The following LMBR1 variants were observed in gnomAD, a reference collection of about 807,000 sequenced individuals.
LMBR1 encodes limb development membrane protein 1, also known as limb region 1 protein homolog.
In LMBR1, 52 loss-of-function variants were observed where a neutral mutation model predicts 73.9. That is an observed-to-expected ratio of 0.70 (90% CI 0.56 to 0.89). LMBR1 has a LOEUF of 0.89. Among genes scored for constraint, LMBR1 ranks in the 40% least tolerant of loss-of-function variants. The pLI is 0.00. For missense variants in LMBR1, 539 were observed against 579.8 expected (o/e 0.93, Z 0.72); for synonymous variants, 215 against 209.4 (o/e 1.03, Z -0.23).
At chr7:156,710,057 A>AC (rs964572349) in intron 15 of LMBR1, among the ~76,000 whole-genome samples, 18 of 151,840 alleles carry the variant, frequency 1.2e-4, no homozygotes, top group Non-Finnish European at 2.6e-4. Context: ...GGCGCCCGCC[A>AC]CCATGCCCGG....
At position 156,724,118 on chromosome 7, in the gene LMBR1, T is replaced by G; in HGVS notation, c.1219A>C (p.Thr407Pro). The part of the protein sequence containing the change: ...LSSALPVMSR[T>P]LGITRFDLLG... ...ATTTCTCACTGAAACTTACCCAGTG[T>G]TCTCGACATCACAGGCAGAGCAGAG... The change falls in exon 15 of 17, where the codon ACA (threonine) becomes CCA (proline). Residue 407 changes from threonine (T) to proline (P), a missense_variant. By Grantham distance (38) the Thr-to-Pro change is conservative (BLOSUM62 -1). Transcript: ENST00000353442. The G allele has an allele frequency of 6.2e-7, 1 of 1,609,804 alleles. No homozygotes were observed. Among genetic ancestry groups the G allele is most frequent in the South Asian group, 1.1e-5 (1 of 90,588 alleles).
At chr7:156,826,563 TTAAAA>T in intron 4 of LMBR1, 37 bp downstream of exon 4, 1 of 1,245,594 alleles carries the variant, frequency 8.0e-7, no homozygotes, top group Non-Finnish European at 1.1e-6. Flanking sequence ...CAGTAAAAAA[TTAAAA>T]TATTAATTGT....
chr7:156,884,525 ATTTC>A (rs201830878), intron 1 of LMBR1, among the ~76,000 whole-genome samples: 2,297 of 152,328 alleles, frequency 0.015, 26 homozygotes, highest in Middle Eastern at 0.024. Flanking sequence ...TCTAGAAAAG[ATTTC>A]TTAAGCTATC....
intron 5 of LMBR1, among the ~76,000 whole-genome samples, chr7:156,767,502 G>A (rs1824305543): frequency 6.6e-6 from 1 of 151,834 alleles, no homozygotes; most frequent in Admixed American, 6.6e-5. Flanking sequence ...TTAAATAGGG[G>A]TCATTTAAAA....
intron 15 of LMBR1, among the ~76,000 whole-genome samples, chr7:156,703,641 A>AGTG (rs1810278999): frequency 6.6e-6 from 1 of 152,152 alleles, no homozygotes; most frequent in African/African-American, 2.4e-5. Context: ...ACCCTGGCAT[A>AGTG]GTGGTGGCCA....
intron 15 of LMBR1, among the ~76,000 whole-genome samples, chr7:156,690,191 C>G (rs1806878740): frequency 6.6e-6 from 1 of 152,186 alleles, no homozygotes; most frequent in Non-Finnish European, 1.5e-5. Flanking sequence ...AAAATTTGAG[C>G]ATCTATACCC....
At chr7:156,805,800 A>C (rs1170682580) in intron 4 of LMBR1, among the ~76,000 whole-genome samples, 1 of 152,162 alleles carries the variant, frequency 6.6e-6, no homozygotes, top group Non-Finnish European at 1.5e-5. Flanking sequence ...CCTAATCCTC[A>C]GTGTGATGGT....
chr7:156,819,233 A>G (rs754469535), intron 4 of LMBR1, among the ~76,000 whole-genome samples: 2 of 152,256 alleles, frequency 1.3e-5, no homozygotes, highest in Non-Finnish European at 2.9e-5. Context: ...TGGTTAACAC[A>G]TAACATCTCA....
chr7:156,680,835 GAACA>G lies in LMBR1; in HGVS notation c.*3239_*3242del, dbSNP rs1278132582. ...AATATTTAAGATGGAAAAAACAAAA[GAACA>G]AATAAACCCCACATATAAATGCTTA... On this transcript the variant is annotated 3_prime_UTR_variant, in exon 17 of 17. Transcript: ENST00000353442. 5 of 198,330 alleles carry G rather than the reference GAACA, an allele frequency of 2.5e-5. No homozygotes were observed. The South Asian group carries it at 2.5e-4, about 10-fold the overall frequency. 12.3% of individuals were successfully genotyped at this position (198,330 alleles called of 1,614,324 possible).
chr7:156,751,243 G>A (rs1054549310), intron 9 of LMBR1, among the ~76,000 whole-genome samples: 3 of 152,108 alleles, frequency 2.0e-5, no homozygotes, highest in African/African-American at 4.8e-5. Context: ...AAGGGGAAGC[G>A]TAGAGCAGAG....
intron 5 of LMBR1, among the ~76,000 whole-genome samples, chr7:156,777,008 C>T (rs978455828): frequency 1.3e-5 from 2 of 151,872 alleles, no homozygotes; most frequent in African/African-American, 4.8e-5. Flanking sequence ...CTCGGCTCAC[C>T]GCAAGCTCCG....
intron 9 of LMBR1, chr7:156,736,371 T>G: frequency 2.8e-6 from 1 of 355,184 alleles, no homozygotes; most frequent in Non-Finnish European, 5.6e-6. Context: ...TTGCATTCAT[T>G]ATTTAGTATA....
At chr7:156,689,942 C>G (rs909089843) in intron 15 of LMBR1, among the ~76,000 whole-genome samples, 7 of 152,158 alleles carry the variant, frequency 4.6e-5, no homozygotes, top group Non-Finnish European at 7.3e-5. Flanking sequence ...TGGCTTCAAC[C>G]CAGAGATCTC....
intron 5 of LMBR1, among the ~76,000 whole-genome samples, chr7:156,787,017 C>T (rs1445381722): frequency 6.6e-6 from 1 of 152,004 alleles, no homozygotes; most frequent in Non-Finnish European, 1.5e-5. Flanking sequence ...TAATATTAGC[C>T]GCAAACTCTT....
chr7:156,676,008 G>C (rs1275324541), downstream of LMBR1: 13 of 891,526 alleles, frequency 1.5e-5, no homozygotes, highest in Non-Finnish European at 2.2e-5. Flanking sequence ...AGGCTGTGGG[G>C]GTGGCATGTC....
At chr7:156,706,596 C>T (rs950279012) in intron 15 of LMBR1, among the ~76,000 whole-genome samples, 3 of 151,722 alleles carry the variant, frequency 2.0e-5, no homozygotes, top group Non-Finnish European at 2.9e-5. Flanking sequence ...CATACAAGTA[C>T]ACAGAAATTA....
chr7:156,848,636 A>C lies in LMBR1; in HGVS notation c.67-11751T>G, dbSNP rs867122187. Among the ~76,000 whole-genome samples, 25 of 152,292 alleles carry C rather than the reference A, an allele frequency of 1.6e-4. No individual in the cohort carries two copies. In the Middle Eastern group the frequency reaches 0.017, roughly 104 times the overall value. On this transcript the variant is annotated intron_variant, in intron 1 of 16. Transcript: ENST00000353442. ...AGTGTGGCAATTTCTCAAACCATTT[A>C]AAAGAGAAATACTGGCTGGGCATGG...
intron 1 of LMBR1, among the ~76,000 whole-genome samples, chr7:156,863,634 A>G (rs767975116): frequency 1.3e-5 from 2 of 152,202 alleles, no homozygotes. Flanking sequence ...ATTCATACTC[A>G]TACCAGCAAT....
At chr7:156,854,580 A>T (rs772283801) in intron 1 of LMBR1, among the ~76,000 whole-genome samples, 1 of 152,208 alleles carries the variant, frequency 6.6e-6, no homozygotes, top group African/African-American at 2.4e-5. Flanking sequence ...CCCACAGCTT[A>T]ACCTATTTGA....
Sources: gnomAD v4.1 joint callset for allele counts (sites outside exome capture counted in the v4.1 genomes callset) on GRCh38, gnomAD v4.1.1 for gene constraint, MANE v1.5 for transcripts, NCBI Gene and HGNC (gene_info 2026-07-23, HGNC 2026-07-21) for gene names.